Variants in TMEM135 observed in about 807,000 individuals in gnomAD.
TMEM135 encodes the protein peroxisomal membrane protein 52.
A neutral mutation model predicts 60.3 loss-of-function variants in TMEM135; 30 were observed. That is an observed-to-expected ratio of 0.50 (90% confidence interval 0.37 to 0.68). The LOEUF (loss-of-function observed/expected upper bound fraction) is 0.68. Ranked by LOEUF, TMEM135 falls within the 30% of genes least tolerant of loss-of-function variation. The pLI, the probability that TMEM135 is intolerant of heterozygous loss-of-function variation, is 0.00. For missense variants in TMEM135, 468 were observed against 548.8 expected (o/e 0.85, Z 1.47); for synonymous variants, 190 against 186.7 (o/e 1.02, Z -0.14).
At chr11:87,151,096 T>C (rs1938544466) in intron 4 of TMEM135, among the ~76,000 whole-genome samples, 1 of 152,168 alleles carries the variant, frequency 6.6e-6, no homozygotes, top group African/African-American at 2.4e-5. Context: ...CTTTGTTTAA[T>C]GAAATTTCAG....
At chr11:87,070,160 A>AAGGGT (rs1856747878) in intron 2 of TMEM135, among the ~76,000 whole-genome samples, 1 of 152,150 alleles carries the variant, frequency 6.6e-6, no homozygotes, top group Non-Finnish European at 1.5e-5. Flanking sequence ...TGACAGGGCA[A>AAGGGT]GACCTTGTCT....
At chr11:87,085,411 T>C (rs888642612) in intron 3 of TMEM135, among the ~76,000 whole-genome samples, 3 of 152,198 alleles carry the variant, frequency 2.0e-5, no homozygotes, top group Non-Finnish European at 4.4e-5. Context: ...CCTCAAAGAA[T>C]AGAAGCCTGT....
intron 1 of TMEM135, among the ~76,000 whole-genome samples, chr11:87,059,470 C>G (rs1004306505): frequency 3.3e-5 from 5 of 151,964 alleles, no homozygotes; most frequent in African/African-American, 1.2e-4. Flanking sequence ...CGTGTGCTAC[C>G]ACGCCTGGCT....
intron 1 of TMEM135, among the ~76,000 whole-genome samples, chr11:87,045,262 C>G (rs113410201): frequency 0.15 from 23,291 of 151,930 alleles, 1,899 homozygotes; most frequent in Non-Finnish European, 0.17. Flanking sequence ...GATCTCCTGA[C>G]CTTGTGATCC....
intron 13 of TMEM135, among the ~76,000 whole-genome samples, chr11:87,318,567 G>A (rs543873891): frequency 6.6e-6 from 1 of 151,876 alleles, no homozygotes; most frequent in Admixed American, 6.6e-5. Flanking sequence ...AAGGATAATA[G>A]GGATATGCTG....
At chr11:87,206,800 G>C (rs1014684955) in intron 5 of TMEM135, among the ~76,000 whole-genome samples, 1 of 152,192 alleles carries the variant, frequency 6.6e-6, no homozygotes, top group South Asian at 2.1e-4. Flanking sequence ...TCATAGTCTT[G>C]TGCATACATT....
At position 87,163,917 on chromosome 11, in the gene TMEM135, C is replaced by T. The variant is rs1275419481; in HGVS notation, c.462+6511C>T. ...TTTTTCTTGTAAATTTGTTTGAATT[C>T]ATTGTAGATTCTGGATATTAGCCCT... On this transcript the variant is annotated intron_variant, in intron 5 of 14. Coordinates refer to ENST00000305494, the MANE Select transcript of TMEM135 (RefSeq NM_022918.4). 4.6e-4 allele frequency among the ~76,000 whole-genome samples: 69 copies of T among 148,460 alleles called. 1 individual carries two copies. The East Asian group carries it at 0.011, about 23-fold the overall frequency.
intron 3 of TMEM135, among the ~76,000 whole-genome samples, chr11:87,087,921 A>G (rs905213473): frequency 1.3e-5 from 2 of 152,070 alleles, no homozygotes; most frequent in African/African-American, 2.4e-5. Context: ...TATTTTTAGT[A>G]GAGATGGGGT....
chr11:87,163,460 C>A (rs1023078465), intron 5 of TMEM135, among the ~76,000 whole-genome samples: 2 of 149,344 alleles, frequency 1.3e-5, no homozygotes, highest in African/African-American at 5.0e-5. Context: ...GGGTTGGTTC[C>A]AAGTCTTTGC....
At chr11:87,095,691 T>C (rs1857308561) in intron 4 of TMEM135, 4 of 165,226 alleles carry the variant, frequency 2.4e-5, no homozygotes. Context: ...TAAAAGTAAA[T>C]GCCGGCCGGG....
chr11:87,308,653 C>T (rs1400447384), intron 9 of TMEM135, among the ~76,000 whole-genome samples: 1 of 152,136 alleles, frequency 6.6e-6, no homozygotes, highest in Non-Finnish European at 1.5e-5. Context: ...ATTGGTTGAA[C>T]TGTACAGAAA....
At chr11:87,177,619 GC>G (rs1222425186) in intron 5 of TMEM135, among the ~76,000 whole-genome samples, 4 of 152,034 alleles carry the variant, frequency 2.6e-5, no homozygotes, top group African/African-American at 9.6e-5. Context: ...AATATTTGTT[GC>G]TATCACTTCC....
rs1326552066 is a variant in TMEM135 at position 87,322,799 on chromosome 11, T to G, written c.*1466T>G. 6.6e-6 allele frequency: 3 copies of G among 454,366 alleles called. No homozygotes were observed. The East Asian group carries it at 2.1e-4, about 32-fold the overall frequency. 28.1% of individuals were successfully genotyped at this position (454,366 alleles called of 1,614,324 possible). On this transcript the variant is annotated 3_prime_UTR_variant, in exon 15 of 15. Transcript: ENST00000305494. Reference sequence around the variant, plus strand: ...ACAGAAACCCAACAAAAAGACAGACTCTGGTACTATGGTAACAGAGCCACT... The same window carrying G: ...ACAGAAACCCAACAAAAAGACAGACGCTGGTACTATGGTAACAGAGCCACT...
chr11:87,046,040 A>G (rs567318468), intron 1 of TMEM135, among the ~76,000 whole-genome samples: 27 of 152,336 alleles, frequency 1.8e-4, no homozygotes, highest in South Asian at 1.0e-3. Flanking sequence ...TGTAATGCAA[A>G]TTCATTGAGA....
chr11:87,222,806 A>G (rs989358786), intron 5 of TMEM135, among the ~76,000 whole-genome samples: 2 of 150,536 alleles, frequency 1.3e-5, no homozygotes, highest in Non-Finnish European at 3.0e-5. Flanking sequence ...ACTGTCTCAA[A>G]AAAAAAGAAA....
intron 6 of TMEM135, among the ~76,000 whole-genome samples, chr11:87,250,410 G>A (rs1225371207): frequency 6.6e-6 from 1 of 151,998 alleles, no homozygotes; most frequent in Non-Finnish European, 1.5e-5. Flanking sequence ...GCTTTTTGAT[G>A]TAGGTGCTTA....
At chr11:87,105,822 A>G (rs1214688715) in intron 4 of TMEM135, among the ~76,000 whole-genome samples, 1 of 152,146 alleles carries the variant, frequency 6.6e-6, no homozygotes, top group Non-Finnish European at 1.5e-5. Context: ...TTTGAAATAT[A>G]CTGTTGTCAA....
chr11:87,213,784 C>T (rs778943950), intron 5 of TMEM135, among the ~76,000 whole-genome samples: 24 of 152,234 alleles, frequency 1.6e-4, no homozygotes, highest in Admixed American at 6.5e-4. Flanking sequence ...ATTCAATCAG[C>T]GTTGAATAGA....
chr11:87,185,354 C>T (rs185133330), intron 5 of TMEM135, among the ~76,000 whole-genome samples: 43 of 152,264 alleles, frequency 2.8e-4, no homozygotes, highest in Admixed American at 8.5e-4. Context: ...CCTCATCCCT[C>T]TCTCTATGGT....
Sources: gnomAD v4.1 joint callset for allele counts (sites outside exome capture counted in the v4.1 genomes callset) on GRCh38, gnomAD v4.1.1 for gene constraint, MANE v1.5 for transcripts, NCBI Gene and HGNC (gene_info 2026-07-23, HGNC 2026-07-21) for gene names.